ZNF407: variants seen among roughly 807,000 people sequenced by gnomAD.
The protein encoded by ZNF407 is zinc finger protein 407.
In ZNF407, 17 loss-of-function variants were observed where a neutral mutation model predicts 131.2. That is an observed-to-expected ratio of 0.13 (90% confidence interval 0.09 to 0.19). The LOEUF is 0.19. Among genes scored for constraint, ZNF407 ranks in the 10% least tolerant of loss-of-function variants. The pLI is 1.00. For synonymous variants in ZNF407, 1,156 were observed against 1,062.0 expected (o/e 1.09, Z -1.72); for missense variants, 2,681 against 2,830.6 (o/e 0.95, Z 1.20).
intron 7 of ZNF407, among the ~76,000 whole-genome samples, chr18:74,900,249 G>A (rs1409165441): frequency 6.6e-6 from 1 of 152,122 alleles, no homozygotes; most frequent in Non-Finnish European, 1.5e-5. Context: ...ATTGTCCTGT[G>A]GGTCGTCTCT....
At chr18:74,652,317 T>TG (rs1235158017) in intron 3 of ZNF407, among the ~76,000 whole-genome samples, 1 of 152,122 alleles carries the variant, frequency 6.6e-6, no homozygotes, top group Non-Finnish European at 1.5e-5. Context: ...AGTATGATTA[T>TG]ATTTCTAGAA....
intron 6 of ZNF407, among the ~76,000 whole-genome samples, chr18:74,888,767 TG>T (rs1195155590): frequency 1.3e-5 from 2 of 152,128 alleles, no homozygotes; most frequent in Non-Finnish European, 2.9e-5. Context: ...TTTGAATGTG[TG>T]TGGGGTGGGT....
Position 74,790,460 on chromosome 18 carries a change from G to A in ZNF407, c.4877+8958G>A, listed in dbSNP as rs372300041. Among the ~76,000 whole-genome samples, 8 of 152,238 alleles carry A rather than the reference G, an allele frequency of 5.3e-5. No individual in the cohort carries two copies. In the East Asian group the frequency reaches 1.2e-3, roughly 22 times the overall value. On this transcript the variant is annotated intron_variant, in intron 4 of 8. Transcript: ENST00000299687. ...TAGTCTGATAGTAGACTCAGATTTG[G>A]GGTATAAGAATATCTGCTGTTTTTA...
intron 8 of ZNF407, among the ~76,000 whole-genome samples, chr18:75,050,693 C>T (rs535012246): frequency 3.3e-5 from 5 of 152,310 alleles, no homozygotes; most frequent in East Asian, 1.9e-4. Flanking sequence ...TAATGAACAA[C>T]GGATCAGTTT....
At chr18:74,771,447 T>A (rs1238728571) in intron 3 of ZNF407, among the ~76,000 whole-genome samples, 1 of 152,080 alleles carries the variant, frequency 6.6e-6, no homozygotes, top group Non-Finnish European at 1.5e-5. Context: ...TTTCCTGAAG[T>A]CTTGATTAAA....
intron 3 of ZNF407, among the ~76,000 whole-genome samples, chr18:74,727,051 C>G (rs1401720088): frequency 1.3e-5 from 2 of 152,334 alleles, no homozygotes; most frequent in South Asian, 2.1e-4. Flanking sequence ...TTAATTTACT[C>G]AGTTCAGCTC....
At chr18:74,968,980 C>T (rs1467388030) in intron 8 of ZNF407, among the ~76,000 whole-genome samples, 2 of 152,136 alleles carry the variant, frequency 1.3e-5, no homozygotes, top group Non-Finnish European at 2.9e-5. Flanking sequence ...CTCTCTGCCC[C>T]TCTGTTGGGG....
chr18:74,776,692 A>C (rs1969479279), intron 3 of ZNF407, among the ~76,000 whole-genome samples: 1 of 152,164 alleles, frequency 6.6e-6, no homozygotes, highest in South Asian at 2.1e-4. Flanking sequence ...TGCAGTAAAA[A>C]ATCCAAGTAT....
chr18:74,680,063 C>T (rs1327345825), intron 3 of ZNF407, among the ~76,000 whole-genome samples: 16 of 152,122 alleles, frequency 1.1e-4, no homozygotes. Context: ...ATTCAGCATA[C>T]ATGTTTTTCT....
At chr18:74,969,129 C>T (rs959812772) in intron 8 of ZNF407, among the ~76,000 whole-genome samples, 2 of 152,144 alleles carry the variant, frequency 1.3e-5, no homozygotes, top group African/African-American at 4.8e-5. Context: ...TTTGTAATTT[C>T]TGTTCATTTG....
Position 74,634,179 on chromosome 18 carries a change from T to C in ZNF407, c.3160T>C (p.Tyr1054His). The change falls in exon 2 of 9, where the codon TAC (tyrosine) becomes CAC (histidine). Residue 1054 changes from tyrosine (Y) to histidine (H), a missense_variant. Coordinates refer to ENST00000299687, the MANE Select transcript of ZNF407 (RefSeq NM_017757.3). ...FEFYCMACDY[Y>H]AVTRREMTRH... ...GTTTTATTGCATGGCATGCGATTACTACGCGGTGACTCGTCGCGAGATGAC... is the reference window on the plus strand; with the variant it reads ...GTTTTATTGCATGGCATGCGATTACCACGCGGTGACTCGTCGCGAGATGAC... 6.2e-7 allele frequency: 1 copy of C among 1,614,058 alleles called. No individual in the cohort carries two copies. The highest frequency in any genetic ancestry group is 8.5e-7 in the Non-Finnish European group (1 of 1,179,912).
intron 8 of ZNF407, among the ~76,000 whole-genome samples, chr18:74,985,673 G>A (rs2959159): frequency 0.03 from 4,605 of 152,250 alleles, 270 homozygotes; most frequent in African/African-American, 0.1. Flanking sequence ...ACCTTCTGGC[G>A]CTGTTCTGAG....
At chr18:74,795,916 A>G (rs1244415215) in intron 4 of ZNF407, among the ~76,000 whole-genome samples, 1 of 152,240 alleles carries the variant, frequency 6.6e-6, no homozygotes, top group East Asian at 1.9e-4. Context: ...AGTCCTCCAC[A>G]TGTGGCATTT....
chr18:74,993,548 T>C (rs1972743779), intron 8 of ZNF407, among the ~76,000 whole-genome samples: 2 of 152,182 alleles, frequency 1.3e-5, no homozygotes, highest in Admixed American at 1.3e-4. Flanking sequence ...TTTGTGGTGG[T>C]GGTTACAAGG....
At chr18:74,663,215 C>A (rs1310019369) in intron 3 of ZNF407, among the ~76,000 whole-genome samples, 3 of 152,104 alleles carry the variant, frequency 2.0e-5, no homozygotes, top group African/African-American at 7.2e-5. Context: ...TGCTTGGGAA[C>A]GTCCATTTTA....
chr18:74,645,151 T>A (rs1208506645), intron 3 of ZNF407, among the ~76,000 whole-genome samples: 1 of 152,052 alleles, frequency 6.6e-6, no homozygotes, highest in Non-Finnish European at 1.5e-5. Context: ...GGTTACAAAC[T>A]GAACATATTT....
intron 3 of ZNF407, among the ~76,000 whole-genome samples, chr18:74,741,722 A>C (rs1029708477): frequency 6.6e-6 from 1 of 152,164 alleles, no homozygotes; most frequent in Non-Finnish European, 1.5e-5. Flanking sequence ...TGTCAGATAT[A>C]CATACCTAAG....
chr18:75,009,361 TAA>T (rs765940890), intron 8 of ZNF407, among the ~76,000 whole-genome samples: 69 of 152,332 alleles, frequency 4.5e-4, no homozygotes, highest in Non-Finnish European at 8.7e-4. Context: ...TTACATTTTA[TAA>T]AAGGTAGCCC....
At chr18:74,832,629 A>G (rs1419387187) in intron 4 of ZNF407, among the ~76,000 whole-genome samples, 2 of 152,110 alleles carry the variant, frequency 1.3e-5, no homozygotes, top group Admixed American at 1.3e-4. Flanking sequence ...GATATCATTG[A>G]AGATGCAGTA....
Sources: gnomAD v4.1 joint callset for allele counts (sites outside exome capture counted in the v4.1 genomes callset) on GRCh38, gnomAD v4.1.1 for gene constraint, MANE v1.5 for transcripts, NCBI Gene and HGNC (gene_info 2026-07-23, HGNC 2026-07-21) for gene names.